Variants in MTMR2 observed in about 807,000 individuals in gnomAD.
MTMR2 encodes phosphatidylinositol-3,5-bisphosphate 3-phosphatase MTMR2.
MTMR2 carries 55 observed loss-of-function variants against 86.9 expected under a neutral mutation model. The ratio of observed to expected loss-of-function variants is 0.63; its 90% CI spans 0.51 to 0.79. The LOEUF (loss-of-function observed/expected upper bound fraction) is 0.79. Ranked by LOEUF, MTMR2 falls within the 30% of genes least tolerant of loss-of-function variation. MTMR2 has a pLI of 0.00. For missense variants in MTMR2, 659 were observed against 772.3 expected (o/e 0.85, Z 1.74); for synonymous variants, 241 against 266.8 (o/e 0.90, Z 0.94).
In MTMR2 at chr11:95,847,143, C is replaced by T. The variant is rs193011447; in HGVS notation, c.1179+571G>A. On this transcript the variant is annotated intron_variant, in intron 10 of 14. Transcript: ENST00000346299. ...CATGTGCTCTGCGAATGACTTAGCA[C>T]TCAGTGTGGCTCATGCAACCACTCC... is the stretch of plus-strand genomic sequence containing the variant. Among the ~76,000 whole-genome samples the T allele has an allele frequency of 3.5e-4, 54 of 152,288 alleles. 1 individual carries two copies. The highest frequency in any genetic ancestry group is 3.5e-3 in the Admixed American group (54 of 15,278).
At chr11:95,889,516 G>C (rs956586797) in intron 1 of MTMR2, among the ~76,000 whole-genome samples, 4 of 131,006 alleles carry the variant, frequency 3.1e-5, no homozygotes, top group Admixed American at 7.8e-5. Context: ...TGTCTTTTTT[G>C]GGGGGGGAGG....
intron 2 of MTMR2, among the ~76,000 whole-genome samples, chr11:95,885,067 T>G (rs183111009): frequency 1.1e-3 from 167 of 152,182 alleles, no homozygotes; most frequent in Non-Finnish European, 2.1e-3. Flanking sequence ...AAGGCACTAA[T>G]GGGGATACAT....
chr11:95,883,814 G>A lies in MTMR2; in HGVS notation c.186+4342C>T, dbSNP rs531170352. Reference sequence around the variant, plus strand: ...ACAGAAAAAGCTTTCATAGTTAGCTGTTAATCTACTAAGGCACTATCCTTT... The same window carrying A: ...ACAGAAAAAGCTTTCATAGTTAGCTATTAATCTACTAAGGCACTATCCTTT... On this transcript the variant is annotated intron_variant, in intron 2 of 14. Transcript: ENST00000346299. Among the ~76,000 whole-genome samples the A allele has an allele frequency of 3.3e-5, 5 of 152,292 alleles. No homozygotes were observed. In the South Asian group the frequency reaches 8.3e-4, roughly 25 times the overall value.
intron 1 of MTMR2, 131 bp from the exon 2 acceptor site, chr11:95,888,392 A>T: frequency 1.5e-6 from 1 of 677,998 alleles, no homozygotes; most frequent in Non-Finnish European, 2.6e-6. Context: ...TTGCCTATTC[A>T]ATCTTATCTC....
rs778906960 is a variant in MTMR2 at position 95,847,775 on chromosome 11, T to C, written c.1118A>G (p.Asn373Ser). The stretch of plus-strand genomic sequence containing the variant: ...AGACAACCAGTGGGTTTCCTCAATG[T>C]TGGGGTACACAATCTCCTTAAGTTT... ...LRKLKEIVYP[N>S]IEETHWLSNL... Residue 373 changes from asparagine to serine, a missense_variant, in exon 10 of 15, where the codon AAC becomes AGC. By Grantham distance (46) the Asn-to-Ser change is conservative. This residue lies in a region of MTMR2 where 387 missense variants were observed against 526.3 expected (regional missense o/e 0.74). Coordinates refer to ENST00000346299, the MANE Select transcript of MTMR2 (RefSeq NM_016156.6). 7 of 1,613,676 alleles carry C rather than the reference T, an allele frequency of 4.3e-6. No homozygotes were observed. In the South Asian group the frequency reaches 5.5e-5, roughly 13 times the overall value.
At chr11:95,917,302 A>C (rs1866744757) in intron 1 of MTMR2, among the ~76,000 whole-genome samples, 1 of 152,216 alleles carries the variant, frequency 6.6e-6, no homozygotes. Flanking sequence ...CAAATCCTGA[A>C]TCGCACGCAA....
chr11:95,895,602 G>A (rs1367919876), intron 1 of MTMR2, among the ~76,000 whole-genome samples: 2 of 152,068 alleles, frequency 1.3e-5, no homozygotes, highest in Non-Finnish European at 2.9e-5. Flanking sequence ...ACAGACAATA[G>A]CAGGTGTTGG....
In MTMR2 at chr11:95,836,343, G is replaced by A. The variant is rs772590622; in HGVS notation, c.1594-19C>T. ...GAAGATTCTGTAGGCAGGAAAAATA[G>A]GTAAAGATTCTCCACCACATAAGCC... On this transcript the variant is annotated intron_variant, in intron 13 of 14. Coordinates refer to ENST00000346299, the MANE Select transcript of MTMR2 (RefSeq NM_016156.6). 2 of 1,586,162 alleles carry A rather than the reference G, an allele frequency of 1.3e-6. No homozygotes were observed. The highest frequency in any genetic ancestry group is 1.1e-5 in the South Asian group (1 of 90,906).
intron 7 of MTMR2, 119 bp downstream of exon 7, chr11:95,857,427 AATCTCT>A: frequency 1.4e-6 from 1 of 707,214 alleles, no homozygotes; most frequent in Non-Finnish European, 2.5e-6. Context: ...ATTCTGCTTT[AATCTCT>A]TAATGTGGTG....
chr11:95,888,034 G>A (rs750333730), intron 2 of MTMR2, 122 bp downstream of exon 2: 6 of 757,172 alleles, frequency 7.9e-6, no homozygotes, highest in African/African-American at 3.5e-5. Flanking sequence ...GGGATATTTT[G>A]TAGACCGGGA....
chr11:95,862,402 T>A, intron 3 of MTMR2, 36 bp from the exon 4 acceptor site: 1 of 1,462,322 alleles, frequency 6.8e-7, no homozygotes, highest in Non-Finnish European at 9.6e-7. Flanking sequence ...TACTATACAT[T>A]ATGTGCTATT....
At chr11:95,893,316 C>A (rs1255053704) in intron 1 of MTMR2, among the ~76,000 whole-genome samples, 2 of 152,130 alleles carry the variant, frequency 1.3e-5, no homozygotes, top group East Asian at 3.9e-4. Flanking sequence ...AATTACCCTG[C>A]CACTATAATC....
chr11:95,832,901 T>C lies in MTMR2; in HGVS notation c.*2389A>G, dbSNP rs1863079685. On this transcript the variant is annotated 3_prime_UTR_variant, in exon 15 of 15. Coordinates refer to ENST00000346299, the MANE Select transcript of MTMR2 (RefSeq NM_016156.6). Reference sequence around the variant, plus strand: ...CCACTTACGTTGTAACAGAGCTTTATTGCAATTCATTTCAAATAAGGTTAT... The same window carrying C: ...CCACTTACGTTGTAACAGAGCTTTACTGCAATTCATTTCAAATAAGGTTAT... 6.6e-6 allele frequency: 1 copy of C among 152,160 alleles called. No individual in the cohort carries two copies. The highest frequency in any genetic ancestry group is 1.5e-5 in the Non-Finnish European group (1 of 68,020). The allele number at this position is 152,160 out of a possible 1,614,324, so 9.4% of individuals were successfully genotyped here. A position where few individuals can be genotyped will look rare whatever the true frequency, so the allele number is the denominator to read the frequency against.
chr11:95,902,832 C>T (rs1367576935), intron 1 of MTMR2, among the ~76,000 whole-genome samples: 1 of 152,150 alleles, frequency 6.6e-6, no homozygotes, highest in Non-Finnish European at 1.5e-5. Context: ...CTCACTGCCA[C>T]TTTCAGATTC....
chr11:95,874,082 G>A (rs930081175), intron 2 of MTMR2, among the ~76,000 whole-genome samples: 10 of 152,178 alleles, frequency 6.6e-5, no homozygotes, highest in Non-Finnish European at 1.3e-4. Context: ...TTGATTTGGG[G>A]TGGAGAGTTC....
At chr11:95,838,336 C>G in intron 12 of MTMR2, 129 bp from the exon 13 acceptor site, 1 of 673,958 alleles carries the variant, frequency 1.5e-6, no homozygotes, top group Non-Finnish European at 2.7e-6. Context: ...TTATTCCAAG[C>G]CATTATGGCA....
chr11:95,924,038 AC>A lies in MTMR2; in HGVS notation c.-85del. 1 of 1,517,902 alleles carries A rather than the reference AC, an allele frequency of 6.6e-7. No homozygotes were observed. The highest frequency in any genetic ancestry group is 8.9e-7 in the Non-Finnish European group (1 of 1,118,924). The allele number at this position is 1,517,902 out of a possible 1,614,324, so 94.0% of individuals were successfully genotyped here. On this transcript the variant is annotated 5_prime_UTR_variant, in exon 1 of 15. Coordinates refer to ENST00000346299, the MANE Select transcript of MTMR2 (RefSeq NM_016156.6). ...AGAAGCGGAGGGCGGAGTGCTACGG[AC>A]CGGGGCCGCAGTCAGGCCAGCGCCG... is the stretch of plus-strand genomic sequence containing the variant.
intron 1 of MTMR2, among the ~76,000 whole-genome samples, chr11:95,900,470 T>G (rs1053055844): frequency 6.6e-6 from 1 of 152,182 alleles, no homozygotes. Context: ...ATAAATTAAT[T>G]ACAATGTCAA....
intron 1 of MTMR2, among the ~76,000 whole-genome samples, chr11:95,916,955 C>T (rs145076298): frequency 7.9e-5 from 12 of 152,220 alleles, no homozygotes; most frequent in African/African-American, 2.9e-4. Flanking sequence ...TTAGGAGGGA[C>T]AGGCACAATT....
Sources: gnomAD v4.1 joint callset for allele counts (sites outside exome capture counted in the v4.1 genomes callset) on GRCh38, gnomAD v4.1.1 for gene constraint, gnomAD v4.1.1 regional missense constraint, MANE v1.5 for transcripts, NCBI Gene and HGNC (gene_info 2026-07-23, HGNC 2026-07-21) for gene names.